Variants in LRRTM4 observed in about 807,000 individuals in gnomAD.
LRRTM4 encodes the protein leucine rich repeat transmembrane neuronal 4.
A neutral mutation model predicts 47.6 loss-of-function variants in LRRTM4; 25 were observed. The ratio of observed to expected loss-of-function variants is 0.53; its 90% CI spans 0.38 to 0.73. LRRTM4 has a LOEUF of 0.73. Ranked by LOEUF, LRRTM4 falls within the 30% of genes least tolerant of loss-of-function variation. LRRTM4 has a pLI of 0.00. For synonymous variants in LRRTM4, 311 were observed against 269.5 expected (o/e 1.15, Z -1.51); for missense variants, 638 against 713.4 (o/e 0.89, Z 1.20).
At chr2:76,786,139 G>C (rs1438333551) in intron 3 of LRRTM4, among the ~76,000 whole-genome samples, 1 of 151,958 alleles carries the variant, frequency 6.6e-6, no homozygotes, top group Non-Finnish European at 1.5e-5. Context: ...TGCCATAATT[G>C]ATAGGAAAAG....
Position 77,280,971 on chromosome 2 carries a change from C to G in LRRTM4, c.1551+237347G>C, listed in dbSNP as rs146117474. On this transcript the variant is annotated intron_variant, in intron 3 of 3. Transcript: ENST00000409884. ...CCTGTCTGTAGTGTCTCTAATACCC[C>G]CTGATCTATTAAGCTACTAACCCTA... Among the ~76,000 whole-genome samples the G allele has an allele frequency of 3.9e-3, 599 of 151,952 alleles. 4 individuals carry two copies. The highest frequency in any genetic ancestry group is 0.031 in the South Asian group (148 of 4,814).
At chr2:76,772,255 G>C (rs1241185645) in intron 3 of LRRTM4, among the ~76,000 whole-genome samples, 1 of 152,090 alleles carries the variant, frequency 6.6e-6, no homozygotes, top group Admixed American at 6.6e-5. Flanking sequence ...CCAAGAGGGA[G>C]GACATCAGAT....
intron 3 of LRRTM4, among the ~76,000 whole-genome samples, chr2:76,762,503 G>A (rs558904439): frequency 5.9e-5 from 9 of 152,146 alleles, no homozygotes; most frequent in African/African-American, 1.7e-4. Flanking sequence ...AATGTGTGTC[G>A]CTTTCTCTGC....
At chr2:76,932,731 CAT>C (rs538446332) in intron 3 of LRRTM4, among the ~76,000 whole-genome samples, 37 of 152,092 alleles carry the variant, frequency 2.4e-4, no homozygotes, top group South Asian at 1.5e-3. Flanking sequence ...CATAGACACA[CAT>C]GTGTTCTCTC....
At chr2:76,862,384 A>C (rs374848855) in intron 3 of LRRTM4, among the ~76,000 whole-genome samples, 92 of 152,280 alleles carry the variant, frequency 6.0e-4, no homozygotes, top group African/African-American at 2.1e-3. Context: ...TTATTTGCTA[A>C]TTTTACCTAC....
intron 3 of LRRTM4, among the ~76,000 whole-genome samples, chr2:76,765,043 T>C (rs753080839): frequency 2.6e-5 from 4 of 152,172 alleles, no homozygotes; most frequent in South Asian, 2.1e-4. Flanking sequence ...CCACCACCCA[T>C]GTAGGACTGG....
intron 3 of LRRTM4, among the ~76,000 whole-genome samples, chr2:77,337,104 T>A (rs1032436182): frequency 1.3e-5 from 2 of 152,076 alleles, no homozygotes; most frequent in Non-Finnish European, 1.5e-5. Context: ...AATTTAAGAC[T>A]GTAATTACAT....
chr2:77,021,191 G>GAT (rs151123853), intron 3 of LRRTM4, among the ~76,000 whole-genome samples: 1,737 of 151,650 alleles, frequency 0.011, 29 homozygotes, highest in African/African-American at 0.033. Context: ...TATAATCAGT[G>GAT]ATATATATAT....
rs768229386 is a variant in LRRTM4 at position 77,178,595 on chromosome 2, C to CA, written c.1551+339722dup. 2.6e-5 allele frequency among the ~76,000 whole-genome samples: 4 copies of CA among 151,666 alleles called. No individual in the cohort carries two copies. In the East Asian group the frequency reaches 7.8e-4, roughly 29 times the overall value. Reference sequence around the variant, plus strand: ...AGTGAGACTCCATCTCAAAAACAAACAACAACAACAACAACAACAACAAAT... The same window carrying CA: ...AGTGAGACTCCATCTCAAAAACAAACAAACAACAACAACAACAACAACAAAT... On this transcript the variant is annotated intron_variant, in intron 3 of 3. Coordinates refer to ENST00000409884, the MANE Select transcript of LRRTM4 (RefSeq NM_001134745.3).
At chr2:77,474,652 T>G (rs1303561821) in intron 3 of LRRTM4, among the ~76,000 whole-genome samples, 1 of 152,150 alleles carries the variant, frequency 6.6e-6, no homozygotes, top group Admixed American at 6.6e-5. Flanking sequence ...TCATTGATTT[T>G]TAGATTTCTT....
chr2:77,014,229 G>C (rs1410904922), intron 3 of LRRTM4, among the ~76,000 whole-genome samples: 2 of 152,116 alleles, frequency 1.3e-5, no homozygotes, highest in South Asian at 2.1e-4. Context: ...AAAGTAACGG[G>C]AAGTAGGCAA....
At chr2:77,381,036 C>G (rs767648250) in intron 3 of LRRTM4, among the ~76,000 whole-genome samples, 1 of 151,894 alleles carries the variant, frequency 6.6e-6, no homozygotes, top group African/African-American at 2.4e-5. Flanking sequence ...ATGAGTAATT[C>G]TAATTTTTCT....
intron 3 of LRRTM4, among the ~76,000 whole-genome samples, chr2:76,788,060 CTGTTGTTACTAT>C (rs1255244626): frequency 6.6e-6 from 1 of 152,092 alleles, no homozygotes; most frequent in Non-Finnish European, 1.5e-5. Context: ...ATGAATGTTA[CTGTTGTTACTAT>C]TGTTGTTAGG....
At chr2:77,011,037 G>A (rs575837961) in intron 3 of LRRTM4, among the ~76,000 whole-genome samples, 1 of 152,012 alleles carries the variant, frequency 6.6e-6, no homozygotes, top group South Asian at 2.1e-4. Flanking sequence ...TTTTTGATCA[G>A]ACAGTCAGAA....
At chr2:76,929,003 C>T (rs1477587046) in intron 3 of LRRTM4, among the ~76,000 whole-genome samples, 1 of 151,892 alleles carries the variant, frequency 6.6e-6, no homozygotes, top group Admixed American at 6.6e-5. Flanking sequence ...GTGAGCATTC[C>T]TGTTACAAAG....
At chr2:77,464,293 T>C (rs755807847) in intron 3 of LRRTM4, among the ~76,000 whole-genome samples, 16 of 152,116 alleles carry the variant, frequency 1.1e-4, no homozygotes, top group Non-Finnish European at 1.3e-4. Flanking sequence ...TCACTTTCTA[T>C]AGATTTCTAA....
intron 3 of LRRTM4, among the ~76,000 whole-genome samples, chr2:77,188,056 A>AAAC (rs1262767885): frequency 1.3e-5 from 2 of 152,138 alleles, no homozygotes; most frequent in Non-Finnish European, 2.9e-5. Flanking sequence ...GTTCTTAAAA[A>AAAC]TTAGTGTGAT....
At chr2:77,189,469 GAATT>G (rs1178255623) in intron 3 of LRRTM4, among the ~76,000 whole-genome samples, 1 of 152,128 alleles carries the variant, frequency 6.6e-6, no homozygotes, top group Non-Finnish European at 1.5e-5. Flanking sequence ...GGGCCTCTGA[GAATT>G]AATTAAGTCA....
intron 3 of LRRTM4, among the ~76,000 whole-genome samples, chr2:77,262,696 A>G (rs967446714): frequency 2.6e-5 from 4 of 151,748 alleles, no homozygotes; most frequent in African/African-American, 9.7e-5. Flanking sequence ...CTCATGGTTA[A>G]CTCATGGTTA....
Sources: allele counts gnomAD v4.1 joint callset (sites outside exome capture counted in the v4.1 genomes callset), GRCh38; gene constraint gnomAD v4.1.1; transcripts MANE v1.5; gene names NCBI Gene and HGNC (gene_info 2026-07-23, HGNC 2026-07-21).